GRB10: variants seen among roughly 807,000 people sequenced by gnomAD.
GRB10 encodes the protein growth factor receptor bound protein 10, also known as growth factor receptor-bound protein 10.
GRB10 carries 20 observed loss-of-function variants against 80.9 expected under a neutral mutation model. The observed-to-expected ratio is 0.25, with a 90% confidence interval of 0.17 to 0.36. GRB10 has a LOEUF of 0.36. GRB10 is among the 10% of genes least tolerant of loss of function. The pLI, the probability that GRB10 is intolerant of heterozygous loss-of-function variation, is 1.00. For synonymous variants in GRB10, 291 were observed against 291.5 expected, an observed-to-expected ratio of 1.00 and a Z score of 0.02; for missense variants, 548 against 747.7, an observed-to-expected ratio of 0.73 and a Z score of 3.12.
At chr7:50,626,739 C>T in intron 8 of GRB10, 83 bp downstream of exon 8, 1 of 1,502,748 alleles carries the variant, frequency 6.7e-7, no homozygotes, top group Non-Finnish European at 9.3e-7. Context: ...TGCGGTCACA[C>T]ATTTGGCATT....
intron 17 of GRB10, among the ~76,000 whole-genome samples, chr7:50,599,053 A>G (rs1447266571): frequency 6.6e-6 from 1 of 152,172 alleles, no homozygotes; most frequent in Non-Finnish European, 1.5e-5. Context: ...CCCCTTAAAA[A>G]GATCCTTCTC....
At chr7:50,593,531 T>C (rs2046096077) in intron 18 of GRB10, among the ~76,000 whole-genome samples, 1 of 152,172 alleles carries the variant, frequency 6.6e-6, no homozygotes, top group Non-Finnish European at 1.5e-5. Context: ...AGGGGTTTAC[T>C]CTGCTCCATG....
rs562777642 is a variant in GRB10, at chr7:50,608,395, A to G, written c.1195-1981T>C. On this transcript the variant is annotated intron_variant, in intron 13 of 18. Coordinates refer to ENST00000401949, the MANE Select transcript of GRB10 (RefSeq NM_001350814.2). Reference sequence around the variant, plus strand: ...TTCCTTCAAGAATGAAAGTGAAACAAAAAGTGAGAAAATTTCTCAGGCCCA... The same window carrying G: ...TTCCTTCAAGAATGAAAGTGAAACAGAAAGTGAGAAAATTTCTCAGGCCCA... Among the ~76,000 whole-genome samples, 4 of 152,332 alleles carry G rather than the reference A, an allele frequency of 2.6e-5. No homozygotes were observed. The East Asian group carries it at 7.7e-4, about 29-fold the overall frequency.
chr7:50,770,912 A>G (rs2076924417), intron 2 of GRB10, among the ~76,000 whole-genome samples: 1 of 152,188 alleles, frequency 6.6e-6, no homozygotes, highest in Non-Finnish European at 1.5e-5. Flanking sequence ...CAGCCACATA[A>G]CCACAGCTCT....
At chr7:50,630,941 A>G (rs1414399187) in intron 7 of GRB10, among the ~76,000 whole-genome samples, 1 of 152,192 alleles carries the variant, frequency 6.6e-6, no homozygotes. Context: ...CAAAAAAGCA[A>G]GAGCTTAATT....
chr7:50,684,519 T>C (rs1280177406), intron 5 of GRB10, among the ~76,000 whole-genome samples: 1 of 152,188 alleles, frequency 6.6e-6, no homozygotes, highest in Admixed American at 6.5e-5. Context: ...AGGAAGCACC[T>C]GGGCATTACT....
At chr7:50,778,021 G>A (rs10226937) in intron 2 of GRB10, among the ~76,000 whole-genome samples, 94,416 of 151,478 alleles carry the variant, frequency 0.62, 32,274 homozygotes, top group Middle Eastern at 0.87. Flanking sequence ...AACCACCATG[G>A]TACACGTATA....
chr7:50,676,641 C>T (rs937551906), intron 5 of GRB10, among the ~76,000 whole-genome samples: 2 of 152,116 alleles, frequency 1.3e-5, no homozygotes, highest in African/African-American at 4.8e-5. Flanking sequence ...GTTAGGAAGG[C>T]CTTTGTTTTA....
Position 50,623,494 on chromosome 7 carries a change from G to C in GRB10, c.661+3328C>G, listed in dbSNP as rs1308047595. ...CCACAAGCGCAGCACAGAGCGGGCAGGAAAAACCACCCTCAGCGAGAGGGG... is the reference window on the plus strand; with the variant it reads ...CCACAAGCGCAGCACAGAGCGGGCACGAAAAACCACCCTCAGCGAGAGGGG... On this transcript the variant is annotated intron_variant, in intron 8 of 18. Transcript: ENST00000401949. 7.9e-5 allele frequency among the ~76,000 whole-genome samples: 12 copies of C among 152,188 alleles called. No individual in the cohort carries two copies. In the East Asian group the frequency reaches 2.3e-3, roughly 29 times the overall value.
chr7:50,792,675 G>A (rs1020721101), intron 1 of GRB10: 6 of 385,940 alleles, frequency 1.6e-5, no homozygotes, highest in African/African-American at 2.1e-5. Context: ...GTACGAGGCT[G>A]GGCCGGCTCG....
chr7:50,756,384 G>A (rs532084296), intron 2 of GRB10, among the ~76,000 whole-genome samples: 3 of 152,296 alleles, frequency 2.0e-5, no homozygotes, highest in East Asian at 1.9e-4. Context: ...CTCTTGCAAG[G>A]CAAAGTTACC....
chr7:50,756,910 G>A (rs1226948032), intron 2 of GRB10, among the ~76,000 whole-genome samples: 1 of 152,220 alleles, frequency 6.6e-6, no homozygotes. Flanking sequence ...TGCAGCAAGG[G>A]TGCCATCCAG....
intron 3 of GRB10, among the ~76,000 whole-genome samples, chr7:50,733,740 T>C (rs933991746): frequency 2.3e-4 from 35 of 152,212 alleles, no homozygotes; most frequent in Non-Finnish European, 4.6e-4. Context: ...GTAGCTGGTG[T>C]TACACGTCAA....
At chr7:50,777,188 AT>A (rs2077748782) in intron 2 of GRB10, among the ~76,000 whole-genome samples, 1 of 152,146 alleles carries the variant, frequency 6.6e-6, no homozygotes, top group Non-Finnish European at 1.5e-5. Flanking sequence ...TGCTTCCAAG[AT>A]GGTGCCTTGT....
chr7:50,603,673 G>A (rs1042572686), intron 17 of GRB10, among the ~76,000 whole-genome samples: 4 of 152,186 alleles, frequency 2.6e-5, no homozygotes, highest in African/African-American at 4.8e-5. Flanking sequence ...ATCAAAAAGC[G>A]TAGGCAAAAG....
At chr7:50,742,271 G>GCGCGCGCACA (rs1189043181) in intron 3 of GRB10, among the ~76,000 whole-genome samples, 1 of 46,866 alleles carries the variant, frequency 2.1e-5, no homozygotes, top group Non-Finnish European at 5.1e-5. Flanking sequence ...ACGCGCGCGC[G>GCGCGCGCACA]CACACACACA....
chr7:50,592,693 A>C lies in GRB10; in HGVS notation c.*259T>G. On this transcript the variant is annotated 3_prime_UTR_variant, in exon 19 of 19. Transcript: ENST00000401949. ...CAAGCCAAGATGATCATTCCAGTTT[A>C]TTTTCAACTTTCCGCTGGATCTTCC... The C allele has an allele frequency of 1.9e-6, 1 of 533,782 alleles. No homozygotes were observed. Among genetic ancestry groups the C allele is most frequent in the Non-Finnish European group, 3.4e-6 (1 of 294,804 alleles). 33.1% of individuals were successfully genotyped at this position (533,782 alleles called of 1,614,324 possible).
chr7:50,682,773 T>G (rs950741508), intron 5 of GRB10, among the ~76,000 whole-genome samples: 2 of 152,160 alleles, frequency 1.3e-5, no homozygotes, highest in African/African-American at 4.8e-5. Context: ...TTTTTATTAA[T>G]TAGTAACTGT....
At chr7:50,742,255 A>ACGCG (rs764613646) in intron 3 of GRB10, among the ~76,000 whole-genome samples, 103 of 33,260 alleles carry the variant, frequency 3.1e-3, no homozygotes, top group African/African-American at 0.011. Flanking sequence ...GTGTAAACAC[A>ACGCG]CGCGCACGCG....
Sources: gnomAD v4.1 joint callset for allele counts (sites outside exome capture counted in the v4.1 genomes callset) on GRCh38, gnomAD v4.1.1 for gene constraint, MANE v1.5 for transcripts, NCBI Gene and HGNC (gene_info 2026-07-23, HGNC 2026-07-21) for gene names.